The following FARS2 variants were observed in gnomAD, a reference collection of about 807,000 sequenced individuals.
The protein encoded by FARS2 is phenylalanyl-tRNA synthetase 2, mitochondrial.
Under a neutral mutation model 46.4 loss-of-function variants are expected in FARS2, and 40 were observed. The observed-to-expected ratio is 0.86, with a 90% CI of 0.67 to 1.12. FARS2 has a LOEUF of 1.12. Among genes scored for constraint, FARS2 ranks in the 50% most tolerant of loss-of-function variants. FARS2 has a pLI of 0.00. For missense variants in FARS2, 513 were observed against 567.9 expected (o/e 0.90, Z 0.98); for synonymous variants, 234 against 214.9 (o/e 1.09, Z -0.78).
chr6:5,299,754 A>G (rs1203680474), intron 1 of FARS2, among the ~76,000 whole-genome samples: 2 of 129,830 alleles, frequency 1.5e-5, no homozygotes, highest in African/African-American at 6.0e-5. Flanking sequence ...CTCATTGTTC[A>G]TTTCCCACCT....
intron 5 of FARS2, among the ~76,000 whole-genome samples, chr6:5,583,636 G>A (rs796764848): frequency 2.3e-4 from 35 of 151,604 alleles, no homozygotes; most frequent in South Asian, 6.3e-4. Flanking sequence ...AGCATTTTAT[G>A]TATTTTTTAA....
intron 1 of FARS2, among the ~76,000 whole-genome samples, chr6:5,308,539 T>C (rs536058193): frequency 1.6e-4 from 24 of 152,320 alleles, no homozygotes; most frequent in Middle Eastern, 3.4e-3. Context: ...GAAACACGGA[T>C]TACCGGAAGA....
intron 6 of FARS2, among the ~76,000 whole-genome samples, chr6:5,757,206 A>G (rs1329066079): frequency 6.6e-6 from 1 of 152,148 alleles, no homozygotes; most frequent in African/African-American, 2.4e-5. Flanking sequence ...TACCAAGAAG[A>G]GAACACTTCT....
At chr6:5,453,991 G>C (rs1764666741) in intron 4 of FARS2, among the ~76,000 whole-genome samples, 1 of 151,778 alleles carries the variant, frequency 6.6e-6, no homozygotes, top group South Asian at 2.1e-4. Flanking sequence ...TAACAAGGAG[G>C]GATGCTTTTA....
intron 6 of FARS2, among the ~76,000 whole-genome samples, chr6:5,655,999 G>A (rs1777588880): frequency 6.6e-6 from 1 of 152,194 alleles, no homozygotes. Context: ...TCTTTGCAGT[G>A]ATTGTGGCTT....
intron 5 of FARS2, among the ~76,000 whole-genome samples, chr6:5,607,280 TATG>T (rs1774891121): frequency 2.7e-5 from 2 of 75,352 alleles, no homozygotes; most frequent in African/African-American, 1.0e-4. Context: ...TAAAGAATAA[TATG>T]TATGTGTGTG....
rs1756993094 is a variant in FARS2, at chr6:5,343,196, T to C, written c.-21-25354T>C. 6.6e-6 allele frequency among the ~76,000 whole-genome samples: 1 copy of C among 152,162 alleles called. No individual in the cohort carries two copies. The highest frequency in any genetic ancestry group is 2.4e-5 in the African/African-American group (1 of 41,418). ...TTGTTTATTACTGTAGACAAAACTG[T>C]ACATTTCATTTATTTATCTATTTAT... On this transcript the variant is annotated intron_variant, in intron 1 of 6. Transcript: ENST00000274680. This position sits in a 1 kb window ranked among gnomAD's most constrained non-coding sequence, Gnocchi z 4.5.
chr6:5,648,073 A>G (rs1777164880), intron 6 of FARS2, among the ~76,000 whole-genome samples: 1 of 152,244 alleles, frequency 6.6e-6, no homozygotes, highest in South Asian at 2.1e-4. Context: ...TCTGGACTCA[A>G]TGACAGTTAA....
chr6:5,674,035 C>A (rs1038304978), intron 6 of FARS2, among the ~76,000 whole-genome samples: 1 of 151,524 alleles, frequency 6.6e-6, no homozygotes, highest in Admixed American at 6.6e-5. Context: ...CAAATACTAG[C>A]CAAAATATTG....
intron 5 of FARS2, among the ~76,000 whole-genome samples, chr6:5,593,047 G>C (rs1254196446): frequency 1.3e-5 from 2 of 152,062 alleles, no homozygotes; most frequent in Non-Finnish European, 2.9e-5. Context: ...TCCCATCTCT[G>C]CTTTCTGCCT....
At chr6:5,748,445 A>T (rs1761760584) in intron 6 of FARS2, among the ~76,000 whole-genome samples, 1 of 152,072 alleles carries the variant, frequency 6.6e-6, no homozygotes. Context: ...GTGCTTGGCC[A>T]TTTTTTTCTC....
chr6:5,668,545 C>G, intron 6 of FARS2, among the ~76,000 whole-genome samples: 1 of 152,140 alleles, frequency 6.6e-6, no homozygotes, highest in Non-Finnish European at 1.5e-5. Context: ...CTGTTTAATT[C>G]AGGCGAAACA....
chr6:5,272,792 ATG>A (rs1581662635), intron 1 of FARS2, among the ~76,000 whole-genome samples: 2 of 152,260 alleles, frequency 1.3e-5, no homozygotes, highest in East Asian at 3.9e-4. Flanking sequence ...TTGCTAGTCA[ATG>A]TCTCTGCATC....
intron 5 of FARS2, among the ~76,000 whole-genome samples, chr6:5,563,498 A>G (rs1261210221): frequency 6.6e-6 from 1 of 152,176 alleles, no homozygotes; most frequent in Non-Finnish European, 1.5e-5. Flanking sequence ...AAACTTCCCA[A>G]GGACCCCTTT....
At chr6:5,271,650 C>A (rs1765960694) in intron 1 of FARS2, among the ~76,000 whole-genome samples, 1 of 150,230 alleles carries the variant, frequency 6.7e-6, no homozygotes. Context: ...GCAACCTCCG[C>A]CTCCGGGGTT....
chr6:5,321,731 T>G (rs1439285104), intron 1 of FARS2, among the ~76,000 whole-genome samples: 2 of 152,204 alleles, frequency 1.3e-5, no homozygotes, highest in Admixed American at 1.3e-4. Context: ...CAAATCTGGT[T>G]AAATGTGGGA....
intron 1 of FARS2, among the ~76,000 whole-genome samples, chr6:5,320,867 A>T (rs1382803400): frequency 6.6e-6 from 1 of 152,192 alleles, no homozygotes. Context: ...CATAGATGGC[A>T]CTTTCTACCT....
intron 1 of FARS2, among the ~76,000 whole-genome samples, chr6:5,347,996 G>T (rs1757343550): frequency 6.6e-6 from 1 of 152,030 alleles, no homozygotes; most frequent in African/African-American, 2.4e-5. Flanking sequence ...TGAAGTGTTT[G>T]TTCAAATCTT....
intron 6 of FARS2, among the ~76,000 whole-genome samples, chr6:5,753,861 C>T (rs1424121577): frequency 2.6e-5 from 4 of 152,176 alleles, no homozygotes; most frequent in African/African-American, 7.2e-5. Context: ...TGAGAGAGGA[C>T]CTGCCTACAT....
Sources: allele counts gnomAD v4.1 joint callset (sites outside exome capture counted in the v4.1 genomes callset), GRCh38; gene constraint gnomAD v4.1.1; non-coding constraint Gnocchi (gnomAD v3.1); transcripts MANE v1.5; gene names NCBI Gene and HGNC (gene_info 2026-07-23, HGNC 2026-07-21).